Variants in TMEM131L observed in about 807,000 individuals in gnomAD.
The protein encoded by TMEM131L is transmembrane 131 like.
TMEM131L carries 54 observed loss-of-function variants against 192.2 expected under a neutral mutation model. That is an observed-to-expected ratio of 0.28 (90% CI 0.23 to 0.35). TMEM131L has a LOEUF of 0.35. Ranked by LOEUF, TMEM131L falls within the 10% of genes least tolerant of loss-of-function variation. The pLI is 1.00. For missense variants in TMEM131L, 1,888 were observed against 1,972.9 expected (o/e 0.96, Z 0.82); for synonymous variants, 701 against 704.9 (o/e 0.99, Z 0.09).
At chr4:153,493,345 C>CAAAAAAAA (rs35052272) in intron 3 of TMEM131L, among the ~76,000 whole-genome samples, 6 of 72,864 alleles carry the variant, frequency 8.2e-5, no homozygotes, top group East Asian at 3.7e-4. Flanking sequence ...GACTCTGTCT[C>CAAAAAAAA]AAAAAAAAAA....
At chr4:153,606,389 C>T (rs1392450858) in intron 25 of TMEM131L, among the ~76,000 whole-genome samples, 1 of 152,146 alleles carries the variant, frequency 6.6e-6, no homozygotes, top group Non-Finnish European at 1.5e-5. Context: ...GATGCAATGC[C>T]CGTGGCAGTG....
intron 9 of TMEM131L, 104 bp downstream of exon 9, chr4:153,581,664 C>T (rs998562022): frequency 4.2e-6 from 3 of 710,294 alleles, no homozygotes; most frequent in Admixed American, 7.9e-5. Context: ...AGACAAATAG[C>T]CTTTGCTTTA....
chr4:153,517,375 G>A (rs1734807555), intron 3 of TMEM131L, among the ~76,000 whole-genome samples: 1 of 152,088 alleles, frequency 6.6e-6, no homozygotes, highest in South Asian at 2.1e-4. Context: ...ATCCTCCCTT[G>A]CACGGGTCCT....
chr4:153,582,445 T>G (rs1416735830), intron 9 of TMEM131L, among the ~76,000 whole-genome samples: 3 of 138,864 alleles, frequency 2.2e-5, no homozygotes, highest in African/African-American at 8.1e-5. Flanking sequence ...TTTTTTTTTT[T>G]TTTTTTTTTT....
intron 3 of TMEM131L, among the ~76,000 whole-genome samples, chr4:153,513,261 C>T (rs996550833): frequency 1.3e-5 from 2 of 152,194 alleles, no homozygotes; most frequent in Non-Finnish European, 2.9e-5. Context: ...TTAATATATA[C>T]TTACCAGAGA....
chr4:153,558,227 C>T (rs766312582), intron 6 of TMEM131L, 31 bp from the exon 7 acceptor site: 1 of 1,212,320 alleles, frequency 8.2e-7, no homozygotes, highest in Non-Finnish European at 1.2e-6. Flanking sequence ...AAACTCTTAA[C>T]AGAGGAGCAA....
At chr4:153,633,777 G>A (rs1236031667) in intron 32 of TMEM131L, among the ~76,000 whole-genome samples, 2 of 152,178 alleles carry the variant, frequency 1.3e-5, no homozygotes, top group Non-Finnish European at 2.9e-5. Flanking sequence ...ATGAAGTATA[G>A]TCTTTATAGT....
rs372948057 is a variant in TMEM131L at position 153,625,772 on chromosome 4, G to A, written c.4046-375G>A. Among the ~76,000 whole-genome samples the A allele has an allele frequency of 4.9e-4, 75 of 152,192 alleles. 1 individual carries two copies. The highest frequency in any genetic ancestry group is 1.8e-3 in the African/African-American group (73 of 41,528). On this transcript the variant is annotated intron_variant, in intron 29 of 34. Coordinates refer to ENST00000409959, the MANE Select transcript of TMEM131L (RefSeq NM_001131007.2). ...AAAATACAAAAATTAGCTGGGCATG[G>A]TGGTGCACACCTGTAATCCCACCTA...
chr4:153,626,077 A>G, intron 29 of TMEM131L, 70 bp from the exon 30 acceptor site: 1 of 948,296 alleles, frequency 1.1e-6, no homozygotes, highest in Non-Finnish European at 1.7e-6. Context: ...TAACCTATGC[A>G]TTTTAATACC....
chr4:153,553,478 A>G (rs552008922), intron 4 of TMEM131L, among the ~76,000 whole-genome samples: 42 of 152,060 alleles, frequency 2.8e-4, no homozygotes, highest in Non-Finnish European at 1.6e-4. Flanking sequence ...AAAACCTCAG[A>G]ACAAACTTTA....
intron 3 of TMEM131L, among the ~76,000 whole-genome samples, chr4:153,483,531 T>C (rs949988701): frequency 2.6e-5 from 4 of 151,888 alleles, no homozygotes; most frequent in Non-Finnish European, 4.4e-5. Context: ...ACCCTGTCTC[T>C]ACAAAAACAA....
chr4:153,614,315 G>C (rs1018826587), intron 26 of TMEM131L, among the ~76,000 whole-genome samples: 1 of 152,256 alleles, frequency 6.6e-6, no homozygotes, highest in African/African-American at 2.4e-5. Flanking sequence ...AGCACAAATG[G>C]TGACATAGGC....
At chr4:153,585,332 T>C (rs1730627124) in intron 12 of TMEM131L, 126 bp from the exon 13 acceptor site, 1 of 954,046 alleles carries the variant, frequency 1.0e-6, no homozygotes, top group African/African-American at 1.7e-5. Context: ...GCCGAGGTTG[T>C]CTCTGGCGCT....
intron 1 of TMEM131L, 130 bp from the exon 2 acceptor site, chr4:153,467,081 G>A: frequency 1.1e-6 from 1 of 880,642 alleles, no homozygotes; most frequent in Non-Finnish European, 1.8e-6. Context: ...CCCTGGGATG[G>A]CCTCTGTTCC....
chr4:153,506,470 G>A (rs1452309691), intron 3 of TMEM131L, among the ~76,000 whole-genome samples: 2 of 152,178 alleles, frequency 1.3e-5, no homozygotes, highest in African/African-American at 4.8e-5. Context: ...AGGGAATTCT[G>A]TACTTTAAGC....
Position 153,602,168 on chromosome 4 carries a change from G to A in TMEM131L, c.2283G>A (p.Lys761=), listed in dbSNP as rs1488097644. 2.5e-6 allele frequency: 4 copies of A among 1,592,534 alleles called. No homozygotes were observed. Among genetic ancestry groups the A allele is most frequent in the Non-Finnish European group, 3.4e-6 (4 of 1,168,912 alleles). ...MDCRRQLKDS[K]QILSITKNFK... is the part of the protein sequence containing the mutation. Reference sequence around the variant, plus strand: ...TCCCATTAGAACTGAAAGACAGTAAGCAAATTTTATCTATTACAAAGAACT... The same window carrying A: ...TCCCATTAGAACTGAAAGACAGTAAACAAATTTTATCTATTACAAAGAACT... The change falls in exon 22 of 35, where the codon AAG becomes AAA. Residue 761 remains lysine, a synonymous_variant. Transcript: ENST00000409959.
At chr4:153,572,149 G>A (rs1030824768) in intron 7 of TMEM131L, among the ~76,000 whole-genome samples, 3 of 152,104 alleles carry the variant, frequency 2.0e-5, no homozygotes, top group South Asian at 2.1e-4. Context: ...AGGGTAATTA[G>A]CGTATTATCA....
intron 3 of TMEM131L, among the ~76,000 whole-genome samples, chr4:153,526,338 T>C (rs1403657753): frequency 1.3e-5 from 2 of 152,220 alleles, no homozygotes; most frequent in South Asian, 2.1e-4. Flanking sequence ...CATTTATCCC[T>C]AACTTCAAGT....
intron 5 of TMEM131L, 62 bp from the exon 6 acceptor site, chr4:153,556,904 T>G (rs1407751144): frequency 2.6e-6 from 2 of 771,724 alleles, no homozygotes; most frequent in African/African-American, 3.5e-5. Flanking sequence ...AAAGAAAGTC[T>G]GTGAAAGACA....
Sources: allele counts gnomAD v4.1 joint callset (sites outside exome capture counted in the v4.1 genomes callset), GRCh38; gene constraint gnomAD v4.1.1; transcripts MANE v1.5; gene names NCBI Gene and HGNC (gene_info 2026-07-23, HGNC 2026-07-21).